Variants in RIMS1 observed in about 807,000 individuals in gnomAD.
The protein encoded by RIMS1 is regulating synaptic membrane exocytosis protein 1.
A neutral mutation model predicts 214.1 loss-of-function variants in RIMS1; 83 were observed. The observed-to-expected ratio is 0.39, with a 90% confidence interval of 0.32 to 0.47. The LOEUF (loss-of-function observed/expected upper bound fraction) is 0.47. Ranked by LOEUF, RIMS1 falls within the 20% of genes least tolerant of loss-of-function variation. The pLI, the probability that RIMS1 is intolerant of heterozygous loss-of-function variation, is 0.99. For missense variants in RIMS1, 2,050 were observed against 2,161.8 expected, an observed-to-expected ratio of 0.95 and a Z score of 1.03; for synonymous variants, 793 against 786.8, an observed-to-expected ratio of 1.01 and a Z score of -0.13.
chr6:72,151,116 C>T (rs929847600), intron 4 of RIMS1, among the ~76,000 whole-genome samples: 8 of 152,122 alleles, frequency 5.3e-5, no homozygotes, highest in African/African-American at 1.9e-4. Context: ...AATCTCGGCT[C>T]ACTGCACGCT....
chr6:72,004,314 G>A (rs1806532957), intron 2 of RIMS1, among the ~76,000 whole-genome samples: 1 of 152,028 alleles, frequency 6.6e-6, no homozygotes, highest in African/African-American at 2.4e-5. Flanking sequence ...ATTGTGAATA[G>A]TGCCGCAATA....
At chr6:71,991,574 C>T (rs921777151) in intron 2 of RIMS1, among the ~76,000 whole-genome samples, 7 of 152,266 alleles carry the variant, frequency 4.6e-5, no homozygotes, top group African/African-American at 1.4e-4. Context: ...CGGATTCCTG[C>T]TCTAAGGATA....
intron 1 of RIMS1, among the ~76,000 whole-genome samples, chr6:71,955,172 AT>A (rs1004456255): frequency 1.1e-4 from 16 of 148,570 alleles, no homozygotes; most frequent in African/African-American, 2.0e-4. Context: ...TTCTATGGAC[AT>A]TTTTTTTTTG....
intron 27 of RIMS1, among the ~76,000 whole-genome samples, chr6:72,312,364 AT>A (rs2095552821): frequency 6.6e-6 from 1 of 152,010 alleles, no homozygotes; most frequent in Admixed American, 6.6e-5. Flanking sequence ...AACTACTCAC[AT>A]TTTAGGTATC....
At chr6:72,185,339 C>T (rs1415706786) in intron 6 of RIMS1, among the ~76,000 whole-genome samples, 3 of 152,120 alleles carry the variant, frequency 2.0e-5, no homozygotes, top group African/African-American at 7.2e-5. Flanking sequence ...CAAAACAATT[C>T]ATTCCTTCTA....
intron 1 of RIMS1, among the ~76,000 whole-genome samples, chr6:71,962,796 T>G (rs1793331289): frequency 2.0e-5 from 3 of 152,198 alleles, no homozygotes; most frequent in African/African-American, 7.2e-5. Context: ...AATTGCATTC[T>G]ACTTGTCTTG....
At chr6:71,925,301 T>C (rs1030148978) in intron 1 of RIMS1, among the ~76,000 whole-genome samples, 9 of 152,182 alleles carry the variant, frequency 5.9e-5, no homozygotes, top group Admixed American at 2.0e-4. Flanking sequence ...GTGAAATCAG[T>C]GTGATAAAGG....
chr6:72,323,034 A>G (rs1292400931), intron 28 of RIMS1, among the ~76,000 whole-genome samples: 2 of 152,076 alleles, frequency 1.3e-5, no homozygotes, highest in Non-Finnish European at 2.9e-5. Flanking sequence ...TCAAGTTCCC[A>G]TAGTTAGAGG....
chr6:72,284,685 AC>A (rs2154226135), intron 24 of RIMS1, among the ~76,000 whole-genome samples: 1 of 5,414 alleles, frequency 1.8e-4, no homozygotes, highest in Admixed American at 4.3e-3. Context: ...ACATATTGAC[AC>A]TTTTTTTTTT....
chr6:72,188,192 G>A (rs2049446893), intron 6 of RIMS1, among the ~76,000 whole-genome samples: 1 of 152,122 alleles, frequency 6.6e-6, no homozygotes, highest in Non-Finnish European at 1.5e-5. Flanking sequence ...CACCCTCACA[G>A]ACAACCCAGG....
At chr6:72,059,006 CATATTA>C (rs982488136) in intron 2 of RIMS1, among the ~76,000 whole-genome samples, 4 of 152,166 alleles carry the variant, frequency 2.6e-5, no homozygotes, top group Admixed American at 1.3e-4. Context: ...CTCATTTAAA[CATATTA>C]ATAGTGATAG....
chr6:71,946,786 G>A (rs540891956), intron 1 of RIMS1, among the ~76,000 whole-genome samples: 2 of 152,002 alleles, frequency 1.3e-5, no homozygotes, highest in African/African-American at 4.8e-5. Flanking sequence ...AAATAGACAA[G>A]TGGGATGATA....
At chr6:72,241,686 G>A (rs2066984156) in intron 9 of RIMS1, among the ~76,000 whole-genome samples, 2 of 152,114 alleles carry the variant, frequency 1.3e-5, no homozygotes, top group Admixed American at 6.6e-5. Context: ...CTGGAAGTGG[G>A]TTGACTGTCA....
chr6:72,250,369 G>C lies in RIMS1; in HGVS notation c.2281G>C (p.Val761Leu). ...TGATAAAGTGGGACACCAGCTGATT[G>C]TAAATGTTCTGCAAGCAACAGATCT... ...WYDKVGHQLI[V>L]NVLQATDLPA... is the part of the protein sequence containing the mutation. Residue 761 changes from valine to leucine, a missense_variant, in exon 13 of 34, where the codon GTA becomes CTA. Physicochemically the swap from Val to Leu is conservative, Grantham distance 32 (BLOSUM62 1). Coordinates refer to ENST00000521978, the MANE Select transcript of RIMS1 (RefSeq NM_014989.7). The C allele has an allele frequency of 6.2e-7, 1 of 1,610,084 alleles. No individual in the cohort carries two copies. The highest frequency in any genetic ancestry group is 8.5e-7 in the Non-Finnish European group (1 of 1,177,900).
intron 4 of RIMS1, among the ~76,000 whole-genome samples, chr6:72,132,973 C>A (rs2040685031): frequency 6.6e-6 from 1 of 151,458 alleles, no homozygotes. Flanking sequence ...ATTGTCAAGA[C>A]AACCCTATTA....
At chr6:72,194,088 T>C (rs1162953266) in intron 6 of RIMS1, among the ~76,000 whole-genome samples, 2 of 152,058 alleles carry the variant, frequency 1.3e-5, no homozygotes, top group Admixed American at 1.3e-4. Flanking sequence ...ATGAAATAAA[T>C]AGATGACACA....
chr6:72,331,005 CT>C (rs2041552560), intron 28 of RIMS1, among the ~76,000 whole-genome samples: 2 of 151,766 alleles, frequency 1.3e-5, no homozygotes, highest in South Asian at 2.1e-4. Context: ...ACTTAACCCC[CT>C]CCCAATGATA....
chr6:71,948,353 C>A (rs1788494981), intron 1 of RIMS1, among the ~76,000 whole-genome samples: 1 of 152,150 alleles, frequency 6.6e-6, no homozygotes. Context: ...CTCTGACCAA[C>A]AAAATATAAA....
At chr6:71,931,335 C>A (rs1174957005) in intron 1 of RIMS1, among the ~76,000 whole-genome samples, 1 of 151,942 alleles carries the variant, frequency 6.6e-6, no homozygotes, top group Non-Finnish European at 1.5e-5. Context: ...CGAAGAAACA[C>A]AATCTTATTT....
Sources: allele counts gnomAD v4.1 joint callset (sites outside exome capture counted in the v4.1 genomes callset), GRCh38; gene constraint gnomAD v4.1.1; transcripts MANE v1.5; gene names NCBI Gene and HGNC (gene_info 2026-07-23, HGNC 2026-07-21).